Variants in PHF14 observed in about 807,000 individuals in gnomAD.
The protein encoded by PHF14 is PHD finger protein 14.
PHF14 carries 55 observed loss-of-function variants against 117.9 expected under a neutral mutation model. That is an observed-to-expected ratio of 0.47 (90% CI 0.38 to 0.58). The LOEUF (loss-of-function observed/expected upper bound fraction) is 0.58, where lower values mean the gene tolerates loss of function less well. Among genes scored for constraint, PHF14 ranks in the 20% least tolerant of loss-of-function variants. PHF14 has a pLI of 0.00. For synonymous variants in PHF14, 409 were observed against 368.6 expected (o/e 1.11, Z -1.26); for missense variants, 978 against 1,122.2 (o/e 0.87, Z 1.84).
Position 11,036,642 on chromosome 7 carries a change from A to G in PHF14, c.1827A>G (p.Lys609=). ...GTTCTAGTGTGGATGGAAGGAGAAA[A>G]CATAAGCAACCAGCTCTCACTGCAG... is the stretch of plus-strand genomic sequence containing the variant. The part of the protein sequence containing the change: ...DTSSSVDGRR[K]HKQPALTADF... The change falls in exon 9 of 18, where the codon AAA becomes AAG. Residue 609 remains lysine (K), a synonymous_variant. Coordinates refer to ENST00000634607, the MANE Select transcript of PHF14 (RefSeq NM_001007157.2). 1 of 1,613,900 alleles carries G rather than the reference A, an allele frequency of 6.2e-7. No homozygotes were observed. The highest frequency in any genetic ancestry group is 2.2e-5 in the East Asian group (1 of 44,882).
chr7:11,104,222 G>GC (rs948712297), intron 16 of PHF14: 19 of 983,980 alleles, frequency 1.9e-5, no homozygotes, highest in Non-Finnish European at 2.3e-5. Context: ...TTTCCATCTT[G>GC]CATTTTCAGT....
rs1781884769 is a variant in PHF14, at chr7:10,976,837, T to A, written c.112+1892T>A. ...TTCTGTTCCCTCTTGTAATATAATA[T>A]CTAGTATGCTGCACTCATAATTTAC... On this transcript the variant is annotated intron_variant, in intron 2 of 17. Coordinates refer to ENST00000634607, the MANE Select transcript of PHF14 (RefSeq NM_001007157.2). Among the ~76,000 whole-genome samples, 2 of 149,552 alleles carry A rather than the reference T, an allele frequency of 1.3e-5. 1 individual carries two copies. Among genetic ancestry groups the A allele is most frequent in the South Asian group, 4.3e-4 (2 of 4,608 alleles).
intron 7 of PHF14, among the ~76,000 whole-genome samples, chr7:11,033,484 C>G (rs1784197448): frequency 6.6e-6 from 1 of 152,170 alleles, no homozygotes; most frequent in African/African-American, 2.4e-5. Flanking sequence ...GCATTTCATA[C>G]AACTTATTGG....
intron 16 of PHF14, among the ~76,000 whole-genome samples, chr7:11,066,563 A>G (rs975964581): frequency 2.0e-5 from 3 of 152,122 alleles, no homozygotes; most frequent in African/African-American, 7.2e-5. Flanking sequence ...TGGCTTTTAT[A>G]TTTTATATGA....
intron 17 of PHF14, among the ~76,000 whole-genome samples, chr7:11,129,602 A>G (rs1460217055): frequency 9.6e-6 from 1 of 104,288 alleles, no homozygotes; most frequent in Non-Finnish European, 2.0e-5. Context: ...TAAACCCTTT[A>G]TTTACCAAAA....
intron 17 of PHF14, among the ~76,000 whole-genome samples, chr7:11,157,807 G>A (rs1788910831): frequency 6.6e-6 from 1 of 152,170 alleles, no homozygotes; most frequent in Non-Finnish European, 1.5e-5. Context: ...TCTGTAATGA[G>A]CTGAAATCAT....
chr7:10,974,701 T>A (rs769541596), intron 1 of PHF14, 134 bp from the exon 2 acceptor site: 2 of 620,934 alleles, frequency 3.2e-6, no homozygotes, highest in Non-Finnish European at 5.7e-6. Flanking sequence ...AACCTTCTCC[T>A]GACCCCTTTT....
chr7:11,049,391 C>G (rs957071959), intron 13 of PHF14, among the ~76,000 whole-genome samples: 4 of 150,360 alleles, frequency 2.7e-5, no homozygotes, highest in Non-Finnish European at 5.9e-5. Context: ...AGGAGAATCG[C>G]TTGAATGGGG....
intron 4 of PHF14, among the ~76,000 whole-genome samples, chr7:10,997,257 A>G (rs1365681124): frequency 6.6e-6 from 1 of 152,182 alleles, no homozygotes; most frequent in Non-Finnish European, 1.5e-5. Flanking sequence ...ATATCACTGA[A>G]TTTAGTAACA....
At chr7:11,118,835 A>G (rs115047073) in intron 17 of PHF14, among the ~76,000 whole-genome samples, 1,642 of 151,900 alleles carry the variant, frequency 0.011, 26 homozygotes, top group African/African-American at 0.038. Context: ...ACTTCAGTAA[A>G]TTATTCCTTA....
chr7:10,981,232 C>T (rs1782034073), intron 2 of PHF14, among the ~76,000 whole-genome samples: 1 of 152,242 alleles, frequency 6.6e-6, no homozygotes, highest in South Asian at 2.1e-4. Flanking sequence ...AAACACTTTA[C>T]TTTTTCCACC....
At chr7:11,042,205 T>G (rs946605774) in intron 12 of PHF14, among the ~76,000 whole-genome samples, 10 of 152,022 alleles carry the variant, frequency 6.6e-5, no homozygotes, top group Non-Finnish European at 5.9e-5. Flanking sequence ...GCAGTATATC[T>G]ACATGTTGAA....
At position 10,974,432 on chromosome 7, in the gene PHF14, T is replaced by A. The variant is rs529873064; in HGVS notation, c.1+108T>A. 81 of 931,538 alleles carry A rather than the reference T, an allele frequency of 8.7e-5. No individual in the cohort carries two copies. The South Asian group carries it at 1.1e-3, about 13-fold the overall frequency. The allele number at this position is 931,538 out of a possible 1,614,324, so 57.7% of individuals were successfully genotyped here. On this transcript the variant is annotated intron_variant, in intron 1 of 17. Coordinates refer to ENST00000634607, the MANE Select transcript of PHF14 (RefSeq NM_001007157.2). ...GGGAGAGTCCTGCGGGAAAGCAGGA[T>A]TGGTGGACCCTCGCCCTCCATGGTC...
At chr7:11,104,656 G>A (rs1229594834) in intron 16 of PHF14, 5 of 975,134 alleles carry the variant, frequency 5.1e-6, no homozygotes, top group Non-Finnish European at 6.1e-6. Context: ...AGCAAGTAGT[G>A]GTTCTCAAAC....
At chr7:10,983,830 G>GT (rs1428833321) in intron 3 of PHF14, among the ~76,000 whole-genome samples, 1 of 152,146 alleles carries the variant, frequency 6.6e-6, no homozygotes, top group East Asian at 1.9e-4. Context: ...CAAAACTGCA[G>GT]TAATGGCTCA....
At chr7:10,998,675 A>G (rs1420989432) in intron 4 of PHF14, among the ~76,000 whole-genome samples, 2 of 152,178 alleles carry the variant, frequency 1.3e-5, no homozygotes, top group African/African-American at 4.8e-5. Flanking sequence ...AGTAGCAGCT[A>G]CTTTGGCAGT....
chr7:10,983,500 T>C (rs1782115203), intron 3 of PHF14, among the ~76,000 whole-genome samples: 1 of 152,160 alleles, frequency 6.6e-6, no homozygotes, highest in Non-Finnish European at 1.5e-5. Context: ...TGGTGCTGAG[T>C]GCATTATGAA....
intron 17 of PHF14, among the ~76,000 whole-genome samples, chr7:11,140,140 A>G (rs1179578621): frequency 1.3e-5 from 2 of 152,042 alleles, no homozygotes; most frequent in Non-Finnish European, 2.9e-5. Context: ...AAACCTTCTC[A>G]TACCCCTGCA....
chr7:11,055,647 G>A (rs1349173050), intron 14 of PHF14, among the ~76,000 whole-genome samples: 3 of 151,830 alleles, frequency 2.0e-5, no homozygotes, highest in African/African-American at 4.8e-5. Context: ...TTTTTCCATC[G>A]CACTTAACAA....
Sources: allele counts gnomAD v4.1 joint callset (sites outside exome capture counted in the v4.1 genomes callset), GRCh38; gene constraint gnomAD v4.1.1; transcripts MANE v1.5; gene names NCBI Gene and HGNC (gene_info 2026-07-23, HGNC 2026-07-21).